The following SHISA5 variants were observed in gnomAD, a reference collection of about 807,000 sequenced individuals.
SHISA5 encodes the protein protein shisa-5.
In SHISA5, 21 loss-of-function variants were observed where a neutral mutation model predicts 27.5. That is an observed-to-expected ratio of 0.76 (90% CI 0.54 to 1.10). The LOEUF is 1.10. SHISA5 is among the 50% of genes least tolerant of loss of function. The probability of loss-of-function intolerance (pLI) is 0.00; values close to 1 mark genes in which losing one functional copy is unlikely to be tolerated. For missense variants in SHISA5, 314 were observed against 336.3 expected, an observed-to-expected ratio of 0.93 and a Z score of 0.52; for synonymous variants, 137 against 142.2, an observed-to-expected ratio of 0.96 and a Z score of 0.26.
chr3:48,499,233 GCA>G (rs200120306), intron 2 of SHISA5, among the ~76,000 whole-genome samples: 2,181 of 152,126 alleles, frequency 0.014, 58 homozygotes, highest in African/African-American at 0.049. Flanking sequence ...GAGTGCAGTG[GCA>G]CCAATCACGA....
Position 48,469,636 on chromosome 3 carries a change from C to A in SHISA5, c.431-63G>T. Reference sequence around the variant, plus strand: ...CCCCAGGTCTTGAGAGCCAGGCTTGCCACCCATCCCTCCAGCTTAGCCAAA... The same window carrying A: ...CCCCAGGTCTTGAGAGCCAGGCTTGACACCCATCCCTCCAGCTTAGCCAAA... On this transcript the variant is annotated intron_variant, in intron 4 of 5. Coordinates refer to ENST00000296444, the MANE Select transcript of SHISA5 (RefSeq NM_016479.6). This position sits in a 1 kb window ranked among gnomAD's most constrained non-coding sequence, Gnocchi z 4.6. 2 of 1,592,178 alleles carry A rather than the reference C, an allele frequency of 1.3e-6. No individual in the cohort carries two copies. The highest frequency in any genetic ancestry group is 4.5e-5 in the East Asian group (2 of 44,442).
At chr3:48,500,126 A>G (rs1186109402) in intron 2 of SHISA5, among the ~76,000 whole-genome samples, 1 of 152,170 alleles carries the variant, frequency 6.6e-6, no homozygotes, top group Non-Finnish European at 1.5e-5. Flanking sequence ...TATCATGACA[A>G]CCATTGTGGA....
intron 2 of SHISA5, among the ~76,000 whole-genome samples, chr3:48,491,220 G>A (rs2041414052): frequency 1.3e-5 from 2 of 151,856 alleles, no homozygotes; most frequent in Admixed American, 1.3e-4. Flanking sequence ...CCAGGTTCAC[G>A]CCATTCTCCT....
At position 48,469,707 on chromosome 3, in the gene SHISA5, G is replaced by C; in HGVS notation, c.430+21C>G. 1 of 1,613,526 alleles carries C rather than the reference G, an allele frequency of 6.2e-7. No homozygotes were observed. Among genetic ancestry groups the C allele is most frequent in the Non-Finnish European group, 8.5e-7 (1 of 1,179,700 alleles). On this transcript the variant is annotated intron_variant, in intron 4 of 5. Transcript: ENST00000296444. This position sits in a 1 kb window ranked among gnomAD's most constrained non-coding sequence, Gnocchi z 4.6. ...CTTACCACCCCAGGGGGTCACAGTG[G>C]GGCAGGGTGGGCACGCTTACGACGT...
intron 3 of SHISA5, among the ~76,000 whole-genome samples, chr3:48,478,563 C>T (rs1462735231): frequency 6.6e-6 from 1 of 152,128 alleles, no homozygotes; most frequent in African/African-American, 2.4e-5. Context: ...ACTCCTGTTA[C>T]GGTGGCAATA....
intron 3 of SHISA5, chr3:48,477,054 G>A (rs1470680571): frequency 4.4e-6 from 2 of 450,100 alleles, no homozygotes; most frequent in South Asian, 3.1e-5. Context: ...CTGGGAGCTT[G>A]TTCCGCACTG....
At position 48,469,830 on chromosome 3, in the gene SHISA5, A is replaced by G. The variant is rs574787642; in HGVS notation, c.328T>C (p.Leu110=). 1.2e-6 allele frequency: 2 copies of G among 1,613,732 alleles called. No homozygotes were observed. The highest frequency in any genetic ancestry group is 2.2e-5 in the South Asian group (2 of 91,016). The part of the protein sequence containing the change: ...NDPMSGFGAT[L]AVGLTIFVLS... The stretch of plus-strand genomic sequence containing the variant: ...ACAAAGATGGTCAGGCCAACGGCCA[A>G]GGTCGCTCCGAACCTGCCAAAGAGC... The change falls in exon 4 of 6, where the codon TTG becomes CTG. Residue 110 remains leucine, a synonymous_variant. Transcript: ENST00000296444. This position sits in a 1 kb window ranked among gnomAD's most constrained non-coding sequence, Gnocchi z 4.6.
intron 1 of SHISA5, chr3:48,502,458 G>A (rs1176382726): frequency 8.8e-6 from 4 of 454,156 alleles, no homozygotes; most frequent in Non-Finnish European, 1.3e-5. Context: ...TAGCCCTGGA[G>A]CCATCACAAG....
At chr3:48,502,796 A>G (rs956927659) in intron 1 of SHISA5, among the ~76,000 whole-genome samples, 1 of 152,220 alleles carries the variant, frequency 6.6e-6, no homozygotes, top group Admixed American at 6.5e-5. Context: ...GCATAACTAC[A>G]TCGGCCTGGA....
At position 48,473,166 on chromosome 3, in the gene SHISA5, A is replaced by C; in HGVS notation, c.315-3323T>G. 6.9e-7 allele frequency: 1 copy of C among 1,444,690 alleles called. No homozygotes were observed. Among genetic ancestry groups the C allele is most frequent in the Non-Finnish European group, 9.1e-7 (1 of 1,101,918 alleles). The allele number at this position is 1,444,690 out of a possible 1,614,324, so 89.5% of individuals were successfully genotyped here. A position where few individuals can be genotyped will look rare whatever the true frequency, so the allele number is the denominator to read the frequency against. On this transcript the variant is annotated intron_variant, in intron 3 of 5. Coordinates refer to ENST00000296444, the MANE Select transcript of SHISA5 (RefSeq NM_016479.6). The surrounding 1 kb of genome is among the most constrained non-coding windows in gnomAD (Gnocchi z 4.3). ...GTCAGCCACAGGAAGCACAGACGCGAAGCCCCGTTCCACCCTCTTAAAGAC... is the reference window on the plus strand; with the variant it reads ...GTCAGCCACAGGAAGCACAGACGCGCAGCCCCGTTCCACCCTCTTAAAGAC...
Position 48,468,888 on chromosome 3 carries a change from C to G in SHISA5, c.*219G>C, listed in dbSNP as rs945368068. The G allele has an allele frequency of 2.6e-6, 4 of 1,533,774 alleles. No homozygotes were observed. Among genetic ancestry groups the G allele is most frequent in the Non-Finnish European group, 3.5e-6 (4 of 1,145,392 alleles). On this transcript the variant is annotated 3_prime_UTR_variant, in exon 6 of 6. Coordinates refer to ENST00000296444, the MANE Select transcript of SHISA5 (RefSeq NM_016479.6). ...GCATAATTTCAGGTGAGGAAGAGAACAAAGTCTGGTCCCAGCCCACTCTGG... is the reference window on the plus strand; with the variant it reads ...GCATAATTTCAGGTGAGGAAGAGAAGAAAGTCTGGTCCCAGCCCACTCTGG...
At chr3:48,498,078 A>G (rs1219532755) in intron 2 of SHISA5, among the ~76,000 whole-genome samples, 1 of 152,196 alleles carries the variant, frequency 6.6e-6, no homozygotes, top group Non-Finnish European at 1.5e-5. Context: ...AATATAATTT[A>G]CCATATTAAC....
chr3:48,480,667 G>A (rs912255622), intron 2 of SHISA5, among the ~76,000 whole-genome samples: 30 of 152,184 alleles, frequency 2.0e-4, no homozygotes, highest in African/African-American at 6.5e-4. Flanking sequence ...GCTGAGGCAG[G>A]AGAATCGCTT....
In SHISA5 at chr3:48,469,831, G is replaced by T; in HGVS notation, c.327C>A (p.Thr109=). ...CAAAGATGGTCAGGCCAACGGCCAA[G>T]GTCGCTCCGAACCTGCCAAAGAGCT... ...YNDPMSGFGA[T]LAVGLTIFVL... Residue 109 remains threonine, a synonymous_variant, in exon 4 of 6, where the codon ACC becomes ACA. Transcript: ENST00000296444. This position sits in a 1 kb window ranked among gnomAD's most constrained non-coding sequence, Gnocchi z 4.6. The T allele has an allele frequency of 6.2e-7, 1 of 1,613,670 alleles. No homozygotes were observed. Among genetic ancestry groups the T allele is most frequent in the African/African-American group, 1.3e-5 (1 of 75,030 alleles).
At chr3:48,502,348 C>T in intron 1 of SHISA5, 1 of 456,460 alleles carries the variant, frequency 2.2e-6, no homozygotes, top group South Asian at 1.5e-5. Flanking sequence ...AGCACTTAGC[C>T]CCGCGCTGGG....
At chr3:48,501,354 C>A in intron 1 of SHISA5, 61 bp from the exon 2 acceptor site, 1 of 1,566,438 alleles carries the variant, frequency 6.4e-7, no homozygotes. Flanking sequence ...GCAGACACAG[C>A]GCCCTCCCTG....
chr3:48,491,182 G>T (rs2041412723), intron 2 of SHISA5, among the ~76,000 whole-genome samples: 1 of 151,266 alleles, frequency 6.6e-6, no homozygotes, highest in Non-Finnish European at 1.5e-5. Flanking sequence ...GCAGTGGCGT[G>T]ATCTCTGCTC....
intron 2 of SHISA5, among the ~76,000 whole-genome samples, chr3:48,485,506 A>AAT (rs2041174991): frequency 7.0e-6 from 1 of 141,992 alleles, no homozygotes; most frequent in South Asian, 2.1e-4. Flanking sequence ...CATCTCAAAA[A>AAT]ATATATATTT....
chr3:48,485,220 G>A (rs2041160966), intron 2 of SHISA5, among the ~76,000 whole-genome samples: 1 of 152,018 alleles, frequency 6.6e-6, no homozygotes, highest in Non-Finnish European at 1.5e-5. Flanking sequence ...GTGAGACCGG[G>A]CACGGTGGCT....
Sources: allele counts gnomAD v4.1 joint callset (sites outside exome capture counted in the v4.1 genomes callset), GRCh38; gene constraint gnomAD v4.1.1; non-coding constraint Gnocchi (gnomAD v3.1); transcripts MANE v1.5; gene names NCBI Gene and HGNC (gene_info 2026-07-23, HGNC 2026-07-21).